The following COL16A1 variants were observed in gnomAD, a reference collection of about 807,000 sequenced individuals.
COL16A1 encodes the protein collagen alpha-1(XVI) chain.
A neutral mutation model predicts 266.3 loss-of-function variants in COL16A1; 189 were observed. That is an observed-to-expected ratio of 0.71 (90% CI 0.63 to 0.80). COL16A1 has a LOEUF of 0.80. Ranked by LOEUF, COL16A1 falls within the 30% of genes least tolerant of loss-of-function variation. The probability of loss-of-function intolerance (pLI) is 0.00; values close to 1 mark genes in which losing one functional copy is unlikely to be tolerated. For missense variants in COL16A1, 1,928 were observed against 2,122.4 expected, an observed-to-expected ratio of 0.91 and a Z score of 1.80; for synonymous variants, 740 against 782.3, an observed-to-expected ratio of 0.95 and a Z score of 0.90.
intron 4 of COL16A1, among the ~76,000 whole-genome samples, chr1:31,699,495 C>G (rs1035560545): frequency 6.6e-6 from 1 of 152,190 alleles, no homozygotes; most frequent in Non-Finnish European, 1.5e-5. Context: ...CATGTGCGCA[C>G]ACACACACAT....
At chr1:31,691,976 TGTG>T in intron 17 of COL16A1, 26 bp downstream of exon 17, 1 of 1,613,470 alleles carries the variant, frequency 6.2e-7, no homozygotes, top group Non-Finnish European at 8.5e-7. Flanking sequence ...TGCTGTGGGT[TGTG>T]GTGGGGAAGG....
intron 58 of COL16A1, 69 bp downstream of exon 58, chr1:31,662,265 C>G: frequency 6.4e-7 from 1 of 1,572,592 alleles, no homozygotes; most frequent in Non-Finnish European, 8.6e-7. Context: ...CATCAGGGTT[C>G]CCTTGACTTT....
chr1:31,659,436 T>TAAC (rs568262323), intron 62 of COL16A1, among the ~76,000 whole-genome samples: 113 of 152,118 alleles, frequency 7.4e-4, no homozygotes, highest in Non-Finnish European at 1.4e-3. Flanking sequence ...GACAAGGAGC[T>TAAC]AACACTTGCT....
In COL16A1 at chr1:31,698,079, G is replaced by A; in HGVS notation, c.484C>T (p.Gln162Ter). The change falls in exon 6 of 71, where the codon CAG (glutamine) becomes TAG (stop). Residue 162 changes from glutamine (Q) to a stop codon, truncating the protein, a stop_gained. Transcript: ENST00000373672. LOFTEE classifies it high-confidence loss of function. This position sits in a 1 kb window ranked among gnomAD's most constrained non-coding sequence, Gnocchi z 4.1. ...DFVSCIFPVP[Q>*]LFDLRWHKLM... is the part of the protein sequence containing the mutation. ...TTGTGCCAACGCAAGTCGAAGAGCT[G>A]GGGCACTGGGAAGATGCAGGACACA... is the stretch of plus-strand genomic sequence containing the variant. The A allele has an allele frequency of 6.2e-7, 1 of 1,613,986 alleles. No homozygotes were observed. The highest frequency in any genetic ancestry group is 8.5e-7 in the Non-Finnish European group (1 of 1,180,036).
intron 58 of COL16A1, 42 bp from the exon 59 acceptor site, chr1:31,661,746 C>T: frequency 6.3e-7 from 1 of 1,579,170 alleles, no homozygotes. Context: ...GAGTTTTGCC[C>T]AGCTTGTATC....
At chr1:31,693,192 G>C in intron 12 of COL16A1, 38 bp from the exon 13 acceptor site, 1 of 1,369,160 alleles carries the variant, frequency 7.3e-7, no homozygotes, top group Non-Finnish European at 1.0e-6. Context: ...GGACCAGAGG[G>C]GGCACATGGG....
chr1:31,654,069 A>T lies in COL16A1; in HGVS notation c.4358-26T>A, dbSNP rs1640884302. ...CTGTAAAAAAAGGACAAGGACAGGG[A>T]CAGGTCAGAGGGTCCCCCAGGGACT... On this transcript the variant is annotated intron_variant, in intron 68 of 70. Transcript: ENST00000373672. 1.9e-6 allele frequency: 3 copies of T among 1,604,676 alleles called. No homozygotes were observed. The African/African-American group carries it at 4.0e-5, about 21-fold the overall frequency.
chr1:31,684,689 C>T, intron 30 of COL16A1, 59 bp from the exon 31 acceptor site: 3 of 1,607,230 alleles, frequency 1.9e-6, no homozygotes, highest in Non-Finnish European at 2.6e-6. Flanking sequence ...AGGTTGCCCC[C>T]CTGGGACTCG....
rs765743381 is a variant in COL16A1, at chr1:31,656,496, C to T, written c.4057-52G>A. ...AAGTCCGGGCAGCATCTCTGAGGCT[C>T]CCTGGGGAGGCAGGTGCAGTGAAGA... On this transcript the variant is annotated intron_variant, in intron 65 of 70. Coordinates refer to ENST00000373672, the MANE Select transcript of COL16A1 (RefSeq NM_001856.4). The surrounding 1 kb of genome is among the most constrained non-coding windows in gnomAD (Gnocchi z 4.2). The T allele has an allele frequency of 1.9e-6, 3 of 1,600,014 alleles. No individual in the cohort carries two copies. Among genetic ancestry groups the T allele is most frequent in the Non-Finnish European group, 2.6e-6 (3 of 1,173,560 alleles).
At chr1:31,690,596 G>A (rs762521208) in intron 20 of COL16A1, 23 bp from the exon 21 acceptor site, 1 of 1,612,724 alleles carries the variant, frequency 6.2e-7, no homozygotes, top group South Asian at 1.1e-5. Context: ...GAAAGGATAA[G>A]CGGGGAGCCT....
In COL16A1 at chr1:31,668,880, C is replaced by T. The variant is rs1642382922; in HGVS notation, c.3196-25G>A. On this transcript the variant is annotated intron_variant, in intron 49 of 70. Transcript: ENST00000373672. This position sits in a 1 kb window ranked among gnomAD's most constrained non-coding sequence, Gnocchi z 5.8. ...CCTTGGAGAGAAAAATCATGAGAAA[C>T]TGCAGGAGCCGGCGGTCCCCACCCA... The T allele has an allele frequency of 1.9e-6, 3 of 1,610,686 alleles. No individual in the cohort carries two copies. In the African/African-American group the frequency reaches 4.0e-5, roughly 22 times the overall value.
chr1:31,697,350 G>C lies in COL16A1; in HGVS notation c.658-50C>G. Reference sequence around the variant, plus strand: ...TCACTTCATTTTATCAAATAGCTCTGTGTCCTGGCCCCCCAGGAGGCACAG... The same window carrying C: ...TCACTTCATTTTATCAAATAGCTCTCTGTCCTGGCCCCCCAGGAGGCACAG... On this transcript the variant is annotated intron_variant, in intron 6 of 70. Transcript: ENST00000373672. The surrounding 1 kb of genome is among the most constrained non-coding windows in gnomAD (Gnocchi z 4.2). 1 of 1,530,006 alleles carries C rather than the reference G, an allele frequency of 6.5e-7. No individual in the cohort carries two copies. The highest frequency in any genetic ancestry group is 8.9e-7 in the Non-Finnish European group (1 of 1,128,022). 94.8% of individuals were successfully genotyped at this position (1,530,006 alleles called of 1,614,324 possible). A position where few individuals can be genotyped will look rare whatever the true frequency, so the allele number is the denominator to read the frequency against.
Position 31,697,844 on chromosome 1 carries a change from A to T in COL16A1, c.657+62T>A. 6.6e-7 allele frequency: 1 copy of T among 1,524,038 alleles called. No homozygotes were observed. The highest frequency in any genetic ancestry group is 8.8e-7 in the Non-Finnish European group (1 of 1,134,648). 94.4% of individuals were successfully genotyped at this position (1,524,038 alleles called of 1,614,324 possible). On this transcript the variant is annotated intron_variant, in intron 6 of 70. Coordinates refer to ENST00000373672, the MANE Select transcript of COL16A1 (RefSeq NM_001856.4). This position sits in a 1 kb window ranked among gnomAD's most constrained non-coding sequence, Gnocchi z 4.2. ...AAGGACTTGTTCCGATACGGATTCC[A>T]GGAAGCCCACTCAGGTTCCCAGAAG...
intron 55 of COL16A1, 160 bp downstream of exon 55, chr1:31,665,423 G>T: frequency 6.9e-7 from 1 of 1,454,364 alleles, no homozygotes; most frequent in Non-Finnish European, 9.3e-7. Context: ...GGGCTCTCCA[G>T]GTCCTGGTTC....
chr1:31,683,144 G>T (rs1298195162), intron 36 of COL16A1, 50 bp downstream of exon 36: 1 of 1,612,984 alleles, frequency 6.2e-7, no homozygotes, highest in Non-Finnish European at 8.5e-7. Context: ...CCTGCTTCTG[G>T]GACACTCTGG....
rs368289383 is a variant in COL16A1, at chr1:31,679,696, G to C, written c.2719-11C>G. 1.6e-5 allele frequency: 26 copies of C among 1,613,874 alleles called. No individual in the cohort carries two copies. The highest frequency in any genetic ancestry group is 2.1e-5 in the Non-Finnish European group (25 of 1,179,992). On this transcript the variant is annotated splice_polypyrimidine_tract_variant and intron_variant, in intron 41 of 70. Transcript: ENST00000373672. ...AATACCTGGTGGACCCTGAGGGAGA[G>C]AGAAAAGAGTCAGAGCCAGCAGAGA...
intron 16 of COL16A1, 78 bp downstream of exon 16, chr1:31,692,396 C>A (rs1351257261): frequency 9.8e-6 from 15 of 1,537,950 alleles, no homozygotes; most frequent in Admixed American, 1.9e-5. Context: ...CCTCAGAGAA[C>A]CCCGACTCCT....
At chr1:31,675,235 A>G in intron 43 of COL16A1, 23 bp downstream of exon 43, 1 of 1,614,168 alleles carries the variant, frequency 6.2e-7, no homozygotes, top group African/African-American at 1.3e-5. Context: ...GGGCATGCAC[A>G]GGGAGTCCTG....
Position 31,672,648 on chromosome 1 carries a change from C to T in COL16A1, c.2977-11G>A. ...CAGTGACAAAAAGCACTGCAAGGGA[C>T]AATGAGAGGCACATTGTCTGATGAG... On this transcript the variant is annotated splice_polypyrimidine_tract_variant and intron_variant, in intron 45 of 70. Transcript: ENST00000373672. The T allele has an allele frequency of 6.2e-7, 1 of 1,605,210 alleles. No individual in the cohort carries two copies. The highest frequency in any genetic ancestry group is 8.5e-7 in the Non-Finnish European group (1 of 1,174,906).
Sources: gnomAD v4.1 joint callset for allele counts (sites outside exome capture counted in the v4.1 genomes callset) on GRCh38, gnomAD v4.1.1 for gene constraint, Gnocchi (gnomAD v3.1) non-coding constraint, MANE v1.5 for transcripts, NCBI Gene and HGNC (gene_info 2026-07-23, HGNC 2026-07-21) for gene names.